Variants in ACOXL observed in about 807,000 individuals in gnomAD.
ACOXL encodes the protein acyl-coenzyme A oxidase-like protein.
In ACOXL, 70 loss-of-function variants were observed where a neutral mutation model predicts 71.9. That is an observed-to-expected ratio of 0.97 (90% CI 0.80 to 1.19). ACOXL has a LOEUF of 1.19. ACOXL is among the 50% of genes most tolerant of loss of function. The pLI is 0.00. For synonymous variants in ACOXL, 253 were observed against 281.6 expected (o/e 0.90, Z 1.02); for missense variants, 703 against 736.3 (o/e 0.95, Z 0.52).
At chr2:111,066,833 A>G (rs2067094829) in intron 16 of ACOXL, among the ~76,000 whole-genome samples, 1 of 152,180 alleles carries the variant, frequency 6.6e-6, no homozygotes, top group Non-Finnish European at 1.5e-5. Flanking sequence ...TCTAATGGGG[A>G]TTTAACTCTC....
rs180899448 is a variant in ACOXL, at chr2:111,016,656, G to A, written c.1282-14971G>A. Reference sequence around the variant, plus strand: ...ACGTGTCCATCCTGGGCCAGGCCCCGTGCTAGGCACTTTGCAGTGTTACAT... The same window carrying A: ...ACGTGTCCATCCTGGGCCAGGCCCCATGCTAGGCACTTTGCAGTGTTACAT... On this transcript the variant is annotated intron_variant, in intron 14 of 17. Transcript: ENST00000439055. The A allele has an allele frequency of 2.3e-3, 355 of 152,484 alleles. 2 individuals carry two copies. Among genetic ancestry groups the A allele is most frequent in the Non-Finnish European group, 1.9e-3 (130 of 68,162 alleles). The allele number at this position is 152,484 out of a possible 1,614,324, so 9.4% of individuals were successfully genotyped here.
intron 2 of ACOXL, among the ~76,000 whole-genome samples, chr2:110,775,911 T>C (rs1682574863): frequency 6.6e-6 from 1 of 152,210 alleles, no homozygotes; most frequent in African/African-American, 2.4e-5. Flanking sequence ...CTTCTTGGTA[T>C]ATACCCCACA....
At chr2:110,974,340 G>T (rs2062350559) in intron 12 of ACOXL, among the ~76,000 whole-genome samples, 1 of 152,182 alleles carries the variant, frequency 6.6e-6, no homozygotes, top group Non-Finnish European at 1.5e-5. Flanking sequence ...ATGATTGAGG[G>T]GATGTGCTGT....
intron 17 of ACOXL, chr2:111,113,135 C>G (rs1305323488): frequency 6.6e-6 from 1 of 152,140 alleles, no homozygotes; most frequent in Non-Finnish European, 1.5e-5. Context: ...ACATATCCTC[C>G]AGCAACTGGA....
At chr2:110,768,097 A>G (rs1037428583) in intron 1 of ACOXL, among the ~76,000 whole-genome samples, 1 of 152,206 alleles carries the variant, frequency 6.6e-6, no homozygotes, top group African/African-American at 2.4e-5. Context: ...GCACTGCTGC[A>G]CGCCAGCCTA....
chr2:110,963,576 T>A, intron 12 of ACOXL: 1 of 1,155,182 alleles, frequency 8.7e-7, no homozygotes. Flanking sequence ...TGTGTGTGTG[T>A]GTGTGTGTGT....
rs553428987 is a variant in ACOXL, at chr2:110,807,866, G to A, written c.753+2471G>A. Among the ~76,000 whole-genome samples the A allele has an allele frequency of 5.1e-4, 77 of 152,246 alleles. No individual in the cohort carries two copies. In the Middle Eastern group the frequency reaches 0.01, roughly 20 times the overall value. On this transcript the variant is annotated intron_variant, in intron 9 of 17. Coordinates refer to ENST00000439055, the MANE Select transcript of ACOXL (RefSeq NM_001142807.4). ...AAATGGATCCGTTTCTCCTACGTGC[G>A]TTCCTTGTGTATTAAAAAACTGTCA...
chr2:110,822,741 C>T (rs1045594168), intron 9 of ACOXL, among the ~76,000 whole-genome samples: 2 of 152,046 alleles, frequency 1.3e-5, no homozygotes, highest in African/African-American at 2.4e-5. Flanking sequence ...TGTGTAGTTT[C>T]GTGTATCTCC....
chr2:110,946,396 G>T (rs2061109581), intron 12 of ACOXL, among the ~76,000 whole-genome samples: 1 of 152,146 alleles, frequency 6.6e-6, no homozygotes, highest in Non-Finnish European at 1.5e-5. Context: ...CCTGATTGCT[G>T]TGGCTAGGAT....
chr2:110,938,851 T>A (rs560378990), intron 12 of ACOXL, among the ~76,000 whole-genome samples: 2,969 of 144,880 alleles, frequency 0.02, 35 homozygotes, highest in Non-Finnish European at 0.028. Context: ...TTTTTTTTTT[T>A]AAAAAAACAT....
At chr2:110,852,899 A>T (rs927107669) in intron 10 of ACOXL, among the ~76,000 whole-genome samples, 2 of 152,174 alleles carry the variant, frequency 1.3e-5, no homozygotes, top group African/African-American at 4.8e-5. Context: ...ATTCTGTTGT[A>T]TAAGGCAATC....
intron 11 of ACOXL, among the ~76,000 whole-genome samples, chr2:110,912,060 T>G (rs942897999): frequency 1.3e-5 from 2 of 151,960 alleles, no homozygotes; most frequent in Admixed American, 6.6e-5. Context: ...AGACTAGCAA[T>G]GAATAATCCA....
chr2:110,977,085 A>G (rs2062478411), intron 12 of ACOXL, among the ~76,000 whole-genome samples: 1 of 152,192 alleles, frequency 6.6e-6, no homozygotes, highest in South Asian at 2.1e-4. Context: ...ATTTAAAACC[A>G]TTAAAAAATA....
intron 16 of ACOXL, among the ~76,000 whole-genome samples, chr2:111,083,378 A>G (rs2068029450): frequency 6.6e-6 from 1 of 152,138 alleles, no homozygotes; most frequent in African/African-American, 2.4e-5. Context: ...AGCAAAAAAT[A>G]CAGATTAAAA....
chr2:110,953,907 G>A (rs755232516), intron 12 of ACOXL, among the ~76,000 whole-genome samples: 1 of 152,188 alleles, frequency 6.6e-6, no homozygotes, highest in Non-Finnish European at 1.5e-5. Flanking sequence ...AGAACAACAA[G>A]GGGGAAATCC....
intron 12 of ACOXL, among the ~76,000 whole-genome samples, chr2:110,945,972 T>C (rs1015937556): frequency 1.2e-4 from 18 of 152,254 alleles, no homozygotes; most frequent in Admixed American, 5.2e-4. Context: ...ATTCTTTCAA[T>C]CCATTAGCAT....
chr2:110,971,630 TAA>T (rs955972056), intron 12 of ACOXL, among the ~76,000 whole-genome samples: 2 of 152,216 alleles, frequency 1.3e-5, no homozygotes, highest in African/African-American at 4.8e-5. Context: ...TTATATATCT[TAA>T]AAAGTGTATT....
At chr2:111,025,244 C>T (rs1258521342) in intron 14 of ACOXL, among the ~76,000 whole-genome samples, 8 of 152,234 alleles carry the variant, frequency 5.3e-5, no homozygotes, top group African/African-American at 1.4e-4. Flanking sequence ...GGTAGATGTA[C>T]GCACTGCTTC....
chr2:110,981,386 G>T (rs1279732114), intron 12 of ACOXL, among the ~76,000 whole-genome samples: 2 of 152,164 alleles, frequency 1.3e-5, no homozygotes, highest in South Asian at 4.1e-4. Flanking sequence ...TGAAATCCCA[G>T]CCCCACCGCT....
Sources: gnomAD v4.1 joint callset for allele counts (sites outside exome capture counted in the v4.1 genomes callset) on GRCh38, gnomAD v4.1.1 for gene constraint, MANE v1.5 for transcripts, NCBI Gene and HGNC (gene_info 2026-07-23, HGNC 2026-07-21) for gene names.